Variants in DGKD observed in about 807,000 individuals in gnomAD.
DGKD encodes the protein DAG kinase delta.
DGKD carries 68 observed loss-of-function variants against 154.4 expected under a neutral mutation model. The ratio of observed to expected loss-of-function variants is 0.44; its 90% CI spans 0.36 to 0.54. DGKD has a LOEUF of 0.54. Ranked by LOEUF, DGKD falls within the 20% of genes least tolerant of loss-of-function variation. The pLI is 0.00. For missense variants in DGKD, 1,343 were observed against 1,593.6 expected, an observed-to-expected ratio of 0.84 and a Z score of 2.68; for synonymous variants, 693 against 638.0, an observed-to-expected ratio of 1.09 and a Z score of -1.30.
chr2:233,432,426 A>G (rs531676289), intron 3 of DGKD, among the ~76,000 whole-genome samples: 5 of 150,898 alleles, frequency 3.3e-5, no homozygotes, highest in Admixed American at 6.6e-5. Context: ...TTGGAAGGCC[A>G]AGGTGGGCAG....
intron 3 of DGKD, among the ~76,000 whole-genome samples, chr2:233,394,078 G>C (rs1322248858): frequency 6.6e-6 from 1 of 152,126 alleles, no homozygotes; most frequent in Non-Finnish European, 1.5e-5. Context: ...TTAATGAGGA[G>C]TTAGAATCTC....
In DGKD at chr2:233,440,391, C is replaced by T. The variant is rs1010359512; in HGVS notation, c.1086-1496C>T. Among the ~76,000 whole-genome samples, 2 of 152,152 alleles carry T rather than the reference C, an allele frequency of 1.3e-5. No homozygotes were observed. Among genetic ancestry groups the T allele is most frequent in the East Asian group, 1.9e-4 (1 of 5,192 alleles). ...CAGACACTGAGCTCGAGGCAGGGTG[C>T]GCAGGTGAGCCAGGCGGGGAGTGCA... On this transcript the variant is annotated intron_variant, in intron 9 of 29. Transcript: ENST00000264057. The surrounding 1 kb of genome is among the most constrained non-coding windows in gnomAD (Gnocchi z 4.9).
At chr2:233,356,867 A>G (rs1275397657) in intron 1 of DGKD, among the ~76,000 whole-genome samples, 1 of 151,916 alleles carries the variant, frequency 6.6e-6, no homozygotes, top group African/African-American at 2.4e-5. Flanking sequence ...TTCCTCTGGT[A>G]TCTATGGTAC....
At chr2:233,461,802 C>T (rs1222631927) in intron 24 of DGKD, among the ~76,000 whole-genome samples, 1 of 152,258 alleles carries the variant, frequency 6.6e-6, no homozygotes, top group Non-Finnish European at 1.5e-5. Flanking sequence ...TCTCTGTCCC[C>T]CGATCTCACC....
At chr2:233,444,207 C>G (rs1214269044) in intron 10 of DGKD, among the ~76,000 whole-genome samples, 1 of 152,132 alleles carries the variant, frequency 6.6e-6, no homozygotes, top group African/African-American at 2.4e-5. Flanking sequence ...CTGAAAACAT[C>G]ATCCATCTAG....
At position 233,457,082 on chromosome 2, in the gene DGKD, C is replaced by T; in HGVS notation, c.2472+87C>T. ...CTATTGCTTCTCCTGTTGACCATTT[C>T]CTCCATGCACAGGGACTTGCCTGGG... is the stretch of plus-strand genomic sequence containing the variant. On this transcript the variant is annotated intron_variant, in intron 20 of 29. Transcript: ENST00000264057. This position sits in a 1 kb window ranked among gnomAD's most constrained non-coding sequence, Gnocchi z 5.5. 2 of 1,352,614 alleles carry T rather than the reference C, an allele frequency of 1.5e-6. No individual in the cohort carries two copies. The highest frequency in any genetic ancestry group is 2.3e-5 in the East Asian group (1 of 43,512). The allele number at this position is 1,352,614 out of a possible 1,614,324, so 83.8% of individuals were successfully genotyped here.
intron 11 of DGKD, 88 bp from the exon 12 acceptor site, chr2:233,446,624 G>T: frequency 1.5e-6 from 2 of 1,365,026 alleles, no homozygotes; most frequent in Non-Finnish European, 1.0e-6. Context: ...AAAGATCAAG[G>T]CTGCCAGCCG....
At chr2:233,439,090 A>C (rs368492231) in intron 9 of DGKD, among the ~76,000 whole-genome samples, 263 of 152,330 alleles carry the variant, frequency 1.7e-3, no homozygotes, top group African/African-American at 5.6e-3. Context: ...GTTTGTAGAA[A>C]ACATTTGCCT....
intron 28 of DGKD, among the ~76,000 whole-genome samples, chr2:233,467,798 G>T (rs1401646625): frequency 6.6e-6 from 1 of 152,220 alleles, no homozygotes; most frequent in Non-Finnish European, 1.5e-5. Flanking sequence ...TGGGACTGGT[G>T]TTTGCCGCCA....
At chr2:233,394,103 C>T (rs931657467) in intron 3 of DGKD, among the ~76,000 whole-genome samples, 1 of 152,156 alleles carries the variant, frequency 6.6e-6, no homozygotes, top group South Asian at 2.1e-4. Flanking sequence ...AGGCCAGTTA[C>T]GTTTAACACT....
At chr2:233,391,799 C>A (rs1703639656) in intron 3 of DGKD, among the ~76,000 whole-genome samples, 1 of 152,180 alleles carries the variant, frequency 6.6e-6, no homozygotes, top group Non-Finnish European at 1.5e-5. Flanking sequence ...GTTGCCAATA[C>A]AAATGGGATT....
At chr2:233,439,694 T>A (rs1371121663) in intron 9 of DGKD, among the ~76,000 whole-genome samples, 1 of 152,184 alleles carries the variant, frequency 6.6e-6, no homozygotes, top group Non-Finnish European at 1.5e-5. Context: ...CCTGAGTAGC[T>A]GGGACTACAG....
intron 3 of DGKD, among the ~76,000 whole-genome samples, chr2:233,421,336 A>G (rs2062107037): frequency 6.6e-6 from 1 of 152,080 alleles, no homozygotes; most frequent in Non-Finnish European, 1.5e-5. Flanking sequence ...CTCAGAGCAC[A>G]TCCAGAGCCT....
chr2:233,432,730 C>T (rs956505926), intron 3 of DGKD, among the ~76,000 whole-genome samples: 3 of 151,954 alleles, frequency 2.0e-5, no homozygotes, highest in Admixed American at 6.6e-5. Flanking sequence ...CAGAATAAAT[C>T]GAGAGCTCAA....
At chr2:233,411,262 G>C (rs1213810192) in intron 3 of DGKD, among the ~76,000 whole-genome samples, 1 of 152,158 alleles carries the variant, frequency 6.6e-6, no homozygotes, top group East Asian at 1.9e-4. Flanking sequence ...TTAAGAGGCT[G>C]CTAAACTGTT....
intron 3 of DGKD, among the ~76,000 whole-genome samples, chr2:233,406,804 C>A (rs761444362): frequency 2.0e-5 from 3 of 152,182 alleles, no homozygotes; most frequent in Admixed American, 1.3e-4. Flanking sequence ...CTTCTGCGGA[C>A]ATCCTCCCGG....
At chr2:233,387,677 G>A (rs1195719325) in intron 1 of DGKD, among the ~76,000 whole-genome samples, 1 of 152,132 alleles carries the variant, frequency 6.6e-6, no homozygotes, top group African/African-American at 2.4e-5. Flanking sequence ...GGGTTGAGAG[G>A]AGTTTTAGTG....
chr2:233,420,535 T>G (rs1234638614), intron 3 of DGKD, among the ~76,000 whole-genome samples: 1 of 152,236 alleles, frequency 6.6e-6, no homozygotes, highest in Non-Finnish European at 1.5e-5. Flanking sequence ...TATATACTTT[T>G]TTGATAAGTG....
intron 3 of DGKD, among the ~76,000 whole-genome samples, chr2:233,394,177 A>G (rs1341746510): frequency 6.6e-6 from 1 of 152,220 alleles, no homozygotes; most frequent in Non-Finnish European, 1.5e-5. Context: ...GCGTGTAAAT[A>G]TTTAAAAAGA....
Sources: allele counts gnomAD v4.1 joint callset (sites outside exome capture counted in the v4.1 genomes callset), GRCh38; gene constraint gnomAD v4.1.1; non-coding constraint Gnocchi (gnomAD v3.1); transcripts MANE v1.5; gene names NCBI Gene and HGNC (gene_info 2026-07-23, HGNC 2026-07-21).